The following EDARADD variants were observed in gnomAD, a reference collection of about 807,000 sequenced individuals.
EDARADD encodes the protein EDAR associated via death domain, also known as ectodysplasin-A receptor-associated adapter protein.
EDARADD carries 20 observed loss-of-function variants against 25.6 expected under a neutral mutation model. That is an observed-to-expected ratio of 0.78 (90% CI 0.55 to 1.14). The LOEUF (loss-of-function observed/expected upper bound fraction) is 1.14, where lower values mean the gene tolerates loss of function less well. EDARADD is among the 50% of genes most tolerant of loss of function. The pLI, the probability that EDARADD is intolerant of heterozygous loss-of-function variation, is 0.00. For synonymous variants in EDARADD, 86 were observed against 94.4 expected, an observed-to-expected ratio of 0.91 and a Z score of 0.52; for missense variants, 225 against 270.1, an observed-to-expected ratio of 0.83 and a Z score of 1.17.
At chr1:236,458,646 T>TTC (rs1553269279) in intron 4 of EDARADD, among the ~76,000 whole-genome samples, 2 of 144,942 alleles carry the variant, frequency 1.4e-5, no homozygotes, top group African/African-American at 5.2e-5. Flanking sequence ...TTTTTCTTTT[T>TTC]TTTTTTTTTT....
rs1318422598 is a variant in EDARADD at position 236,425,053 on chromosome 1, C to G, written c.161-2339C>G. Among the ~76,000 whole-genome samples, 7 of 152,284 alleles carry G rather than the reference C, an allele frequency of 4.6e-5. No homozygotes were observed. The East Asian group carries it at 1.4e-3, about 29-fold the overall frequency. The stretch of plus-strand genomic sequence containing the variant: ...AGGTGGCCCCCGTCGCAGGCAGCCA[C>G]CTCTTCCTCCAGGGAATACCAGTCG... On this transcript the variant is annotated intron_variant, in intron 3 of 5. Coordinates refer to ENST00000334232, the MANE Select transcript of EDARADD (RefSeq NM_145861.4).
chr1:236,424,097 C>A (rs1179885924), intron 3 of EDARADD, among the ~76,000 whole-genome samples: 2 of 151,028 alleles, frequency 1.3e-5, no homozygotes, highest in Admixed American at 1.3e-4. Flanking sequence ...CAGAACAAGA[C>A]TCCGTCTCAA....
intron 1 of EDARADD, among the ~76,000 whole-genome samples, chr1:236,403,846 G>A (rs1174380443): frequency 6.6e-6 from 1 of 151,836 alleles, no homozygotes; most frequent in Non-Finnish European, 1.5e-5. Context: ...AGTTCACCAG[G>A]TTTCTCTCAT....
In EDARADD at chr1:236,468,267, C is replaced by G; in HGVS notation, c.256C>G (p.Pro86Ala). 6.2e-7 allele frequency: 1 copy of G among 1,613,998 alleles called. No individual in the cohort carries two copies. Among genetic ancestry groups the G allele is most frequent in the East Asian group, 2.2e-5 (1 of 44,892 alleles). Residue 86 changes from proline (P) to alanine (A), a missense_variant, in exon 5 of 6, where the codon CCT (proline) becomes GCT (alanine). Coordinates refer to ENST00000334232, the MANE Select transcript of EDARADD (RefSeq NM_145861.4). ...TGGCTTTCCAGATAGCACTGGAGATCCTCTTCCAGGTAAATGATTGATTCT... is the reference window on the plus strand; with the variant it reads ...TGGCTTTCCAGATAGCACTGGAGATGCTCTTCCAGGTAAATGATTGATTCT... ...ENGFPDSTGD[P>A]LPEISKDNSC...
intron 3 of EDARADD, among the ~76,000 whole-genome samples, chr1:236,357,392 G>A (rs967906158): frequency 6.6e-6 from 1 of 152,132 alleles, no homozygotes; most frequent in South Asian, 2.1e-4. Context: ...TCAGTTCTGC[G>A]GGCTATACAA....
chr1:236,359,771 A>G (rs1435117886), intron 3 of EDARADD, among the ~76,000 whole-genome samples: 3 of 152,320 alleles, frequency 2.0e-5, no homozygotes, highest in East Asian at 1.9e-4. Flanking sequence ...CAGCATGGGA[A>G]AGACTTGCCA....
At chr1:236,418,483 G>A (rs1251173538) in intron 3 of EDARADD, among the ~76,000 whole-genome samples, 2 of 151,826 alleles carry the variant, frequency 1.3e-5, no homozygotes, top group African/African-American at 2.4e-5. Context: ...GACCTCAAGC[G>A]ATCCATCCAC....
intron 4 of EDARADD, among the ~76,000 whole-genome samples, chr1:236,431,927 C>CAAAAAAAAAAAAAAAA (rs1170622280): frequency 6.7e-4 from 12 of 17,988 alleles, no homozygotes; most frequent in African/African-American, 1.0e-3. Context: ...GACTCCGTCT[C>CAAAAAAAAAAAAAAAA]AAAAAAAAAA....
chr1:236,458,625 G>A (rs959133325), intron 4 of EDARADD, among the ~76,000 whole-genome samples: 2 of 149,528 alleles, frequency 1.3e-5, no homozygotes, highest in South Asian at 4.2e-4. Context: ...GTGTGTTTTT[G>A]GTATTTTTTC....
intron 5 of EDARADD, among the ~76,000 whole-genome samples, chr1:236,477,276 G>A (rs148895605): frequency 6.6e-6 from 1 of 152,190 alleles, no homozygotes; most frequent in African/African-American, 2.4e-5. Context: ...AGTACTCTGG[G>A]AGGCTGAAGT....
At chr1:236,417,659 TA>T (rs1375143979) in intron 3 of EDARADD, among the ~76,000 whole-genome samples, 2 of 152,112 alleles carry the variant, frequency 1.3e-5, no homozygotes, top group African/African-American at 4.8e-5. Context: ...GATTGAGGTT[TA>T]TTTTCCATCA....
chr1:236,483,480 T>C lies in EDARADD; in HGVS notation c.*831T>C, dbSNP rs965131404. 2 of 1,028,746 alleles carry C rather than the reference T, an allele frequency of 1.9e-6. No individual in the cohort carries two copies. Among genetic ancestry groups the C allele is most frequent in the African/African-American group, 1.6e-5 (1 of 63,430 alleles). 63.7% of individuals were successfully genotyped at this position (1,028,746 alleles called of 1,614,324 possible). ...GGATGGAACAGAAAATAAATCTAAATTTGGTGCAAATGCCATTCTGGGAGT... is the reference window on the plus strand; with the variant it reads ...GGATGGAACAGAAAATAAATCTAAACTTGGTGCAAATGCCATTCTGGGAGT... On this transcript the variant is annotated 3_prime_UTR_variant, in exon 6 of 6. Coordinates refer to ENST00000334232, the MANE Select transcript of EDARADD (RefSeq NM_145861.4).
At chr1:236,377,123 TTA>T (rs575758625) in intron 3 of EDARADD, among the ~76,000 whole-genome samples, 20 of 146,888 alleles carry the variant, frequency 1.4e-4, no homozygotes, top group East Asian at 7.9e-4. Context: ...TATATATATT[TTA>T]TATATATATA....
At chr1:236,363,785 C>T (rs1667081790) in intron 3 of EDARADD, among the ~76,000 whole-genome samples, 2 of 152,042 alleles carry the variant, frequency 1.3e-5, no homozygotes, top group Admixed American at 6.6e-5. Context: ...TTCCTGAGGC[C>T]TCCCTAGAAG....
intron 3 of EDARADD, among the ~76,000 whole-genome samples, chr1:236,419,733 C>T (rs956072683): frequency 1.3e-5 from 2 of 152,154 alleles, no homozygotes; most frequent in African/African-American, 4.8e-5. Context: ...ACATACACAG[C>T]CTCAGGCAAA....
At chr1:236,463,877 A>C (rs1048530574) in intron 4 of EDARADD, among the ~76,000 whole-genome samples, 2 of 152,068 alleles carry the variant, frequency 1.3e-5, no homozygotes, top group South Asian at 2.1e-4. Flanking sequence ...ATCAAGGTCC[A>C]TCCCTTGCTC....
intron 3 of EDARADD, among the ~76,000 whole-genome samples, chr1:236,416,201 G>A (rs1378481357): frequency 3.3e-5 from 5 of 152,272 alleles, no homozygotes; most frequent in East Asian, 1.9e-4. Flanking sequence ...CAAGGTTACC[G>A]TCCACCTCCC....
chr1:236,351,258 T>A (rs997009517), intron 3 of EDARADD, among the ~76,000 whole-genome samples: 2 of 152,180 alleles, frequency 1.3e-5, no homozygotes, highest in African/African-American at 4.8e-5. Context: ...ATAAACTATT[T>A]ACATTAATTT....
chr1:236,416,264 G>A (rs1657638441), intron 3 of EDARADD, among the ~76,000 whole-genome samples: 1 of 152,278 alleles, frequency 6.6e-6, no homozygotes, highest in African/African-American at 2.4e-5. Flanking sequence ...CCTGGCACTT[G>A]TGAACACCAG....
Sources: allele counts gnomAD v4.1 joint callset (sites outside exome capture counted in the v4.1 genomes callset), GRCh38; gene constraint gnomAD v4.1.1; transcripts MANE v1.5; gene names NCBI Gene and HGNC (gene_info 2026-07-23, HGNC 2026-07-21).